ANXA6: variants seen among roughly 807,000 people sequenced by gnomAD.
ANXA6 encodes annexin A6.
ANXA6 carries 71 observed loss-of-function variants against 95.4 expected under a neutral mutation model. That is an observed-to-expected ratio of 0.74 (90% CI 0.61 to 0.91). ANXA6 has a LOEUF of 0.91. Among genes scored for constraint, ANXA6 ranks in the 40% least tolerant of loss-of-function variants. The pLI, the probability that ANXA6 is intolerant of heterozygous loss-of-function variation, is 0.00. For synonymous variants in ANXA6, 289 were observed against 315.9 expected (o/e 0.91, Z 0.90); for missense variants, 830 against 876.4 (o/e 0.95, Z 0.67).
In ANXA6 at chr5:151,110,644, C is replaced by T. The variant is rs1029954412; in HGVS notation, c.1573G>A (p.Val525Met). ...NLDQAREDAQ[V>M]AAEILEIADT... is the part of the protein sequence containing the mutation. ...ACACTCACCAAGATCTCAGCAGCCA[C>T]CTGAGAGCAGGGAGGGGAGAGAGGA... Residue 525 changes from valine (V) to methionine (M), a missense_variant and splice_region_variant, in exon 21 of 26, where the codon GTG becomes ATG. Physicochemically the swap from Val to Met is conservative, Grantham distance 21 (BLOSUM62 1). Transcript: ENST00000354546. 6.2e-7 allele frequency: 1 copy of T among 1,613,162 alleles called. No homozygotes were observed. Among genetic ancestry groups the T allele is most frequent in the Middle Eastern group, 1.7e-4 (1 of 6,058 alleles).
chr5:151,112,700 G>A (rs934169760), intron 20 of ANXA6, among the ~76,000 whole-genome samples: 3 of 152,036 alleles, frequency 2.0e-5, no homozygotes, highest in African/African-American at 4.8e-5. Context: ...GGCGCACGCC[G>A]TTATTCCCAG....
intron 5 of ANXA6, 112 bp from the exon 6 acceptor site, chr5:151,137,433 C>T (rs980874411): frequency 4.4e-5 from 31 of 710,088 alleles, no homozygotes; most frequent in Non-Finnish European, 6.9e-5. Flanking sequence ...CAGGAGGTTC[C>T]TACCCAGCTC....
intron 25 of ANXA6, among the ~76,000 whole-genome samples, chr5:151,102,433 G>A (rs1272844294): frequency 6.6e-6 from 1 of 152,182 alleles, no homozygotes; most frequent in African/African-American, 2.4e-5. Flanking sequence ...GCCAGGTGTG[G>A]TGGCTCACAC....
At chr5:151,135,200 G>A (rs943448912) in intron 7 of ANXA6, among the ~76,000 whole-genome samples, 1 of 152,198 alleles carries the variant, frequency 6.6e-6, no homozygotes, top group African/African-American at 2.4e-5. Context: ...CAAACCCCCA[G>A]GGTTCTCTTT....
chr5:151,128,347 T>C, intron 12 of ANXA6, 108 bp from the exon 13 acceptor site: 3 of 945,706 alleles, frequency 3.2e-6, no homozygotes, highest in Non-Finnish European at 4.9e-6. Flanking sequence ...GAATGAACAC[T>C]TATTCATAGC....
chr5:151,147,277 G>T (rs1036251753), intron 2 of ANXA6, among the ~76,000 whole-genome samples: 3 of 152,202 alleles, frequency 2.0e-5, no homozygotes, highest in African/African-American at 7.2e-5. Flanking sequence ...TATATCCAGA[G>T]CAGAGAAGTC....
At chr5:151,138,965 C>CA (rs1189771171) in intron 4 of ANXA6, 174 bp from the exon 5 acceptor site, 9 of 622,700 alleles carry the variant, frequency 1.4e-5, no homozygotes, top group Non-Finnish European at 2.3e-5. Context: ...GGCTCAGAAA[C>CA]AACAGAGGTC....
intron 5 of ANXA6, among the ~76,000 whole-genome samples, chr5:151,138,239 C>T (rs149504509): frequency 6.6e-6 from 1 of 152,206 alleles, no homozygotes; most frequent in East Asian, 1.9e-4. Flanking sequence ...CACAGATCCA[C>T]AACTTCTCCT....
intron 23 of ANXA6, among the ~76,000 whole-genome samples, chr5:151,106,634 C>T (rs1488068355): frequency 6.6e-6 from 1 of 152,166 alleles, no homozygotes; most frequent in Non-Finnish European, 1.5e-5. Flanking sequence ...CCTATCTGCC[C>T]TTCACTACAT....
intron 8 of ANXA6, 65 bp from the exon 9 acceptor site, chr5:151,133,252 A>C: frequency 8.5e-7 from 1 of 1,175,030 alleles, no homozygotes; most frequent in Admixed American, 2.0e-5. Flanking sequence ...ACACTGACCA[A>C]GCCACTCAGA....
intron 17 of ANXA6, 74 bp from the exon 18 acceptor site, chr5:151,119,464 G>A: frequency 7.6e-7 from 1 of 1,321,588 alleles, no homozygotes; most frequent in East Asian, 2.3e-5. Flanking sequence ...GGCCCGGACG[G>A]CTAAAGCTCA....
intron 23 of ANXA6, among the ~76,000 whole-genome samples, chr5:151,108,151 AGT>A (rs1404376321): frequency 2.6e-5 from 4 of 151,432 alleles, no homozygotes; most frequent in African/African-American, 9.7e-5. Context: ...GTGTGTGTCA[AGT>A]GTGTGTGTGG....
At chr5:151,120,413 CTA>C (rs1491517245) in intron 17 of ANXA6, among the ~76,000 whole-genome samples, 1 of 77,062 alleles carries the variant, frequency 1.3e-5, no homozygotes, top group Non-Finnish European at 2.4e-5. Flanking sequence ...GGGGCTACAA[CTA>C]CAAAAAAAAA....
chr5:151,133,704 C>T (rs1765581274), intron 8 of ANXA6, among the ~76,000 whole-genome samples: 1 of 152,204 alleles, frequency 6.6e-6, no homozygotes, highest in Non-Finnish European at 1.5e-5. Context: ...TGGTACATGA[C>T]TATACCTATA....
chr5:151,117,705 C>T, intron 19 of ANXA6, 53 bp downstream of exon 19: 1 of 1,494,966 alleles, frequency 6.7e-7, no homozygotes, highest in Admixed American at 1.8e-5. Flanking sequence ...ACCTTCCCTT[C>T]CTCCCAGGCC....
At position 151,117,168 on chromosome 5, in the gene ANXA6, C is replaced by T. The variant is rs781489517; in HGVS notation, c.1531G>A (p.Glu511Lys). 1.3e-6 allele frequency: 2 copies of T among 1,592,886 alleles called. No individual in the cohort carries two copies. Among genetic ancestry groups the T allele is most frequent in the Non-Finnish European group, 1.7e-6 (2 of 1,167,780 alleles). The part of the protein sequence containing the change: ...LISLATGHRE[E>K]GGENLDQARE... ...GCCTGGTCCAGGTTTTCTCCTCCCT[C>T]CTCACGATGCCCCTGCAGCAGGAGC... The change falls in exon 20 of 26, where the codon GAG becomes AAG. Residue 511 changes from glutamate to lysine, a missense_variant. By Grantham distance (56) the Glu-to-Lys change is moderately conservative. Coordinates refer to ENST00000354546, the MANE Select transcript of ANXA6 (RefSeq NM_001155.5).
At chr5:151,118,345 C>T (rs1581988283) in intron 18 of ANXA6, among the ~76,000 whole-genome samples, 1 of 151,686 alleles carries the variant, frequency 6.6e-6, no homozygotes, top group Non-Finnish European at 1.5e-5. Context: ...ACTACAGCCT[C>T]GACCTCCCTG....
In ANXA6 at chr5:151,100,772, A is replaced by G. The variant is rs1764524055; in HGVS notation, c.*676T>C. The G allele has an allele frequency of 7.0e-6, 3 of 429,298 alleles. No homozygotes were observed. The highest frequency in any genetic ancestry group is 1.4e-5 in the Non-Finnish European group (3 of 211,798). The allele number at this position is 429,298 out of a possible 1,614,324, so 26.6% of individuals were successfully genotyped here. A position where few individuals can be genotyped will look rare whatever the true frequency, so the allele number is the denominator to read the frequency against. ...GAAATAAAAAGTGTCAAGGGAATGAATCGGAGGCATACTTTAGGAAGTTAA... is the reference window on the plus strand; with the variant it reads ...GAAATAAAAAGTGTCAAGGGAATGAGTCGGAGGCATACTTTAGGAAGTTAA... On this transcript the variant is annotated 3_prime_UTR_variant, in exon 26 of 26. Coordinates refer to ENST00000354546, the MANE Select transcript of ANXA6 (RefSeq NM_001155.5).
intron 17 of ANXA6, among the ~76,000 whole-genome samples, chr5:151,120,728 AAGAG>A (rs1179618333): frequency 1.3e-5 from 2 of 152,212 alleles, no homozygotes; most frequent in Admixed American, 1.3e-4. Flanking sequence ...CAAAAAAAAA[AAGAG>A]AAAGGCAAGA....
Sources: allele counts gnomAD v4.1 joint callset (sites outside exome capture counted in the v4.1 genomes callset), GRCh38; gene constraint gnomAD v4.1.1; transcripts MANE v1.5; gene names NCBI Gene and HGNC (gene_info 2026-07-23, HGNC 2026-07-21).